Variants in KLHL29 observed in about 807,000 individuals in gnomAD.
KLHL29 encodes the protein kelch-like protein 29.
In KLHL29, 21 loss-of-function variants were observed where a neutral mutation model predicts 80.4. The observed-to-expected ratio is 0.26, with a 90% CI of 0.19 to 0.38. KLHL29 has a LOEUF of 0.38. Ranked by LOEUF, KLHL29 falls within the 10% of genes least tolerant of loss-of-function variation. The probability of loss-of-function intolerance (pLI) is 1.00; values close to 1 mark genes in which losing one functional copy is unlikely to be tolerated. For missense variants in KLHL29, 867 were observed against 1,223.9 expected (o/e 0.71, Z 4.35); for synonymous variants, 511 against 526.8 (o/e 0.97, Z 0.41).
At chr2:23,621,884 C>T (rs1229103251) in intron 3 of KLHL29, among the ~76,000 whole-genome samples, 1 of 152,132 alleles carries the variant, frequency 6.6e-6, no homozygotes, top group East Asian at 1.9e-4. Flanking sequence ...GGGCAGCTAC[C>T]ACATATCCCT....
intron 11 of KLHL29, among the ~76,000 whole-genome samples, chr2:23,699,200 C>T (rs573764105): frequency 6.6e-6 from 1 of 152,336 alleles, no homozygotes; most frequent in South Asian, 2.1e-4. Flanking sequence ...GCTTCCTGGG[C>T]TCTGGGCTGT....
At chr2:23,668,540 A>T (rs1346238771) in intron 5 of KLHL29, 1 of 152,388 alleles carries the variant, frequency 6.6e-6, no homozygotes. Flanking sequence ...CTCGGCCTGC[A>T]GAAGTCCAGG....
chr2:23,469,930 G>T (rs985650318), intron 1 of KLHL29, among the ~76,000 whole-genome samples: 1 of 151,796 alleles, frequency 6.6e-6, no homozygotes, highest in Non-Finnish European at 1.5e-5. Context: ...GAGTGAGGGT[G>T]GGGGGATATG....
chr2:23,604,371 A>G (rs935999436), intron 3 of KLHL29, among the ~76,000 whole-genome samples: 1 of 152,180 alleles, frequency 6.6e-6, no homozygotes, highest in African/African-American at 2.4e-5. Context: ...CTGGGATTAC[A>G]GGCGTGAGCC....
At chr2:23,580,866 T>C in intron 3 of KLHL29, among the ~76,000 whole-genome samples, 1 of 144,134 alleles carries the variant, frequency 6.9e-6, no homozygotes, top group East Asian at 2.1e-4. Flanking sequence ...TAGTCCTAGC[T>C]ACTCAGGAGG....
chr2:23,481,706 A>G (rs939231336), intron 2 of KLHL29, among the ~76,000 whole-genome samples: 4 of 152,226 alleles, frequency 2.6e-5, no homozygotes, highest in African/African-American at 9.6e-5. Context: ...ATCCGAGGTC[A>G]GGAGTTCGAG....
At chr2:23,504,744 T>G (rs1024703151) in intron 2 of KLHL29, among the ~76,000 whole-genome samples, 2 of 152,378 alleles carry the variant, frequency 1.3e-5, no homozygotes, top group South Asian at 2.1e-4. Context: ...TGGGGCTGGC[T>G]GTCCTCGAGC....
chr2:23,691,864 G>C lies in KLHL29; in HGVS notation c.1270G>C (p.Val424Leu), dbSNP rs1490088270. 1 of 1,550,126 alleles carries C rather than the reference G, an allele frequency of 6.5e-7. No individual in the cohort carries two copies. The highest frequency in any genetic ancestry group is 2.0e-5 in the Admixed American group (1 of 50,990). ...FQFHTFCKVC[V>L]SFLEKQLTAS... ...GTTCCACACCTTCTGCAAAGTCTGC[G>C]TGTCCTTTCTCGGTGAGCCCGGGGG... Residue 424 changes from valine (V) to leucine (L), a missense_variant, in exon 7 of 14, where the codon GTG (valine) becomes CTG (leucine). Physicochemically the swap from Val to Leu is conservative, Grantham distance 32. Transcript: ENST00000486442.
At chr2:23,642,970 C>G in intron 5 of KLHL29, 120 bp downstream of exon 5, 2 of 1,199,042 alleles carry the variant, frequency 1.7e-6, no homozygotes. Context: ...CCTCCCCAAC[C>G]CAGAGGCTGC....
intron 6 of KLHL29, among the ~76,000 whole-genome samples, chr2:23,687,609 C>T (rs930453476): frequency 5.9e-5 from 9 of 152,170 alleles, no homozygotes; most frequent in Admixed American, 3.3e-4. Context: ...CGAGCAGAGA[C>T]GATGCTTCAG....
chr2:23,521,001 C>CCCG (rs1666084271), intron 2 of KLHL29, among the ~76,000 whole-genome samples: 1 of 151,964 alleles, frequency 6.6e-6, no homozygotes, highest in African/African-American at 2.4e-5. Flanking sequence ...CACCCCCCCC[C>CCCG]CCGCTCCCCC....
chr2:23,472,962 A>T (rs1205375441), intron 1 of KLHL29, among the ~76,000 whole-genome samples: 1 of 152,240 alleles, frequency 6.6e-6, no homozygotes, highest in Non-Finnish European at 1.5e-5. Flanking sequence ...CTATCCACAA[A>T]GATGAATAGG....
intron 2 of KLHL29, among the ~76,000 whole-genome samples, chr2:23,505,426 C>A (rs1665570007): frequency 6.6e-6 from 1 of 152,248 alleles, no homozygotes. Context: ...CGCTCCTTCC[C>A]TTCCTGCAGG....
intron 1 of KLHL29, among the ~76,000 whole-genome samples, chr2:23,435,115 G>A (rs934192009): frequency 6.6e-6 from 1 of 152,172 alleles, no homozygotes; most frequent in South Asian, 2.1e-4. Flanking sequence ...TGAATTCACT[G>A]GGGAAAGCAC....
chr2:23,436,166 G>A (rs1314246608), intron 1 of KLHL29, among the ~76,000 whole-genome samples: 4 of 152,084 alleles, frequency 2.6e-5, no homozygotes, highest in Non-Finnish European at 5.9e-5. Flanking sequence ...TTCAGTGCAT[G>A]GGGATGTTTC....
chr2:23,457,727 C>T lies in KLHL29; in HGVS notation c.-153-17833C>T, dbSNP rs568667199. ...CTATTATCTGGGACTCTAAAGAAAACGTAAGGCCGGGCGCGGTGGCTCACA... is the reference window on the plus strand; with the variant it reads ...CTATTATCTGGGACTCTAAAGAAAATGTAAGGCCGGGCGCGGTGGCTCACA... On this transcript the variant is annotated intron_variant, in intron 1 of 13. Transcript: ENST00000486442. This position sits in a 1 kb window ranked among gnomAD's most constrained non-coding sequence, Gnocchi z 4.3. 1.0e-3 allele frequency among the ~76,000 whole-genome samples: 156 copies of T among 152,264 alleles called. 1 individual carries two copies. Among genetic ancestry groups the T allele is most frequent in the Non-Finnish European group, 1.9e-3 (131 of 68,016 alleles).
At chr2:23,418,086 TGTAA>T (rs1457927639) in intron 1 of KLHL29, among the ~76,000 whole-genome samples, 2 of 152,214 alleles carry the variant, frequency 1.3e-5, no homozygotes, top group Admixed American at 6.5e-5. Flanking sequence ...GTAGACACGC[TGTAA>T]GTGTTTGTTG....
intron 2 of KLHL29, among the ~76,000 whole-genome samples, chr2:23,512,015 G>C (rs1209516297): frequency 1.3e-5 from 2 of 152,160 alleles, no homozygotes; most frequent in Non-Finnish European, 2.9e-5. Context: ...CAGGGCTCTC[G>C]GTAGAAAACA....
chr2:23,605,891 T>C (rs2103526480), intron 3 of KLHL29, among the ~76,000 whole-genome samples: 1 of 152,054 alleles, frequency 6.6e-6, no homozygotes. Context: ...TGTCTCAGCC[T>C]CCCAAGTAGC....
Sources: allele counts gnomAD v4.1 joint callset (sites outside exome capture counted in the v4.1 genomes callset), GRCh38; gene constraint gnomAD v4.1.1; non-coding constraint Gnocchi (gnomAD v3.1); transcripts MANE v1.5; gene names NCBI Gene and HGNC (gene_info 2026-07-23, HGNC 2026-07-21).